Variants in IDO2 observed in about 807,000 individuals in gnomAD.
The protein encoded by IDO2 is indoleamine 2,3-dioxygenase-like 1 protein.
In IDO2, 46 loss-of-function variants were observed where a neutral mutation model predicts 45.1. The observed-to-expected ratio is 1.02, with a 90% CI of 0.80 to 1.30. The LOEUF (loss-of-function observed/expected upper bound fraction) is 1.30, where lower values mean the gene tolerates loss of function less well. Among genes scored for constraint, IDO2 ranks in the 50% most tolerant of loss-of-function variants. The pLI is 0.00. For synonymous variants in IDO2, 218 were observed against 184.9 expected (o/e 1.18, Z -1.45); for missense variants, 544 against 491.8 (o/e 1.11, Z -1.00).
intron 8 of IDO2, among the ~76,000 whole-genome samples, chr8:40,000,100 A>G (rs544678586): frequency 2.0e-5 from 3 of 152,320 alleles, no homozygotes; most frequent in African/African-American, 7.2e-5. Context: ...AACATCCAGT[A>G]TACTTTCACT....
chr8:39,964,855 T>C (rs571441736), intron 3 of IDO2, among the ~76,000 whole-genome samples: 2 of 152,368 alleles, frequency 1.3e-5, no homozygotes, highest in African/African-American at 4.8e-5. Flanking sequence ...AAGCAAATCA[T>C]GTATAAAATC....
chr8:39,982,598 C>A, intron 4 of IDO2, 54 bp from the exon 5 acceptor site: 1 of 1,197,424 alleles, frequency 8.4e-7, no homozygotes, highest in Non-Finnish European at 1.2e-6. Context: ...ATGGTTATTT[C>A]CTCTGCTGCA....
At chr8:40,000,051 C>A (rs2543079) in intron 8 of IDO2, among the ~76,000 whole-genome samples, 1 of 152,098 alleles carries the variant, frequency 6.6e-6, no homozygotes, top group Non-Finnish European at 1.5e-5. Context: ...TAATCAAAGA[C>A]AATTTTTTAA....
chr8:40,004,316 C>G (rs2129595293), intron 8 of IDO2, among the ~76,000 whole-genome samples: 1 of 152,120 alleles, frequency 6.6e-6, no homozygotes, highest in African/African-American at 2.4e-5. Flanking sequence ...GAAATAGGAT[C>G]AAAGACTACG....
At chr8:39,951,009 C>T (rs1807806086) in intron 2 of IDO2, among the ~76,000 whole-genome samples, 1 of 112,084 alleles carries the variant, frequency 8.9e-6, no homozygotes, top group Non-Finnish European at 2.0e-5. Flanking sequence ...GCCTGGGCAA[C>T]AAGAGCGAAA....
At chr8:39,995,826 G>A (rs558201421) in intron 8 of IDO2, among the ~76,000 whole-genome samples, 272 of 152,178 alleles carry the variant, frequency 1.8e-3, no homozygotes, top group Non-Finnish European at 2.1e-3. Flanking sequence ...AAGAGTGTGA[G>A]CCTTCTGTTA....
At chr8:39,935,424 GGTTGTTGTT>G (rs72187471) in intron 1 of IDO2, among the ~76,000 whole-genome samples, 48,704 of 149,870 alleles carry the variant, frequency 0.32, 9,494 homozygotes, top group Admixed American at 0.45. Flanking sequence ...TTACTTTTCT[GGTTGTTGTT>G]GTTGTTGTTG....
chr8:40,007,334 C>T (rs971807611), intron 9 of IDO2, among the ~76,000 whole-genome samples: 1 of 151,912 alleles, frequency 6.6e-6, no homozygotes, highest in Non-Finnish European at 1.5e-5. Context: ...GTGTGTTTGA[C>T]GTGTGAAGCA....
chr8:39,950,170 A>T (rs1340716247), intron 2 of IDO2, among the ~76,000 whole-genome samples: 1 of 152,128 alleles, frequency 6.6e-6, no homozygotes, highest in Non-Finnish European at 1.5e-5. Context: ...CTTGACTTTT[A>T]GTTATTATTA....
At chr8:39,984,993 A>T in intron 5 of IDO2, 1 of 400,320 alleles carries the variant, frequency 2.5e-6, no homozygotes, top group Non-Finnish European at 4.8e-6. Flanking sequence ...GTGCAGTGGC[A>T]TGATCTCGGC....
rs759411567 is a variant in IDO2 at position 39,963,614 on chromosome 8, CT to C, written c.108del (p.Pro37GlnfsTer17). 1.2e-6 allele frequency: 2 copies of C among 1,601,120 alleles called. No individual in the cohort carries two copies. The highest frequency in any genetic ancestry group is 2.2e-5 in the East Asian group (1 of 44,774). ...GTTTCTATTTTAAATGCAGAAAGAA[CT>C]TCCAGATCATTATAGGCCTTGGATG... On this transcript the variant is annotated frameshift_variant, in exon 3 of 11. Transcript: ENST00000502986. LOFTEE classifies it high-confidence loss of function.
chr8:40,012,197 T>C (rs1472887756), intron 9 of IDO2, among the ~76,000 whole-genome samples: 1 of 150,816 alleles, frequency 6.6e-6, no homozygotes, highest in Non-Finnish European at 1.5e-5. Flanking sequence ...AAATAACTTT[T>C]AGAATTATAG....
At chr8:39,954,899 C>T (rs1048666834) in intron 2 of IDO2, among the ~76,000 whole-genome samples, 1 of 151,378 alleles carries the variant, frequency 6.6e-6, no homozygotes, top group Non-Finnish European at 1.5e-5. Flanking sequence ...TCAAGTGATC[C>T]GCGCACCTCG....
intron 2 of IDO2, among the ~76,000 whole-genome samples, chr8:39,959,684 A>G (rs1807963956): frequency 1.3e-5 from 2 of 152,106 alleles, no homozygotes; most frequent in Admixed American, 1.3e-4. Flanking sequence ...TTAGCCAGGC[A>G]TGGTGACATG....
At chr8:40,009,450 AAT>A (rs66974211) in intron 9 of IDO2, among the ~76,000 whole-genome samples, 8,782 of 146,392 alleles carry the variant, frequency 0.06, 286 homozygotes, top group Middle Eastern at 0.12. Context: ...AAAAAAAAAA[AAT>A]GATCTCATTT....
intron 1 of IDO2, among the ~76,000 whole-genome samples, chr8:39,940,761 A>T (rs1807630271): frequency 6.6e-6 from 1 of 151,878 alleles, no homozygotes; most frequent in East Asian, 1.9e-4. Flanking sequence ...ACCCTCTGGT[A>T]ACCACTGTTC....
At chr8:40,004,056 A>G (rs761173177) in intron 8 of IDO2, among the ~76,000 whole-genome samples, 7 of 152,222 alleles carry the variant, frequency 4.6e-5, no homozygotes, top group Non-Finnish European at 8.8e-5. Flanking sequence ...TGGGCAAAAT[A>G]TTAAAGTATC....
rs76104249 is a variant in IDO2, at chr8:39,964,297, C to A, written c.195+594C>A. Reference sequence around the variant, plus strand: ...TTGTACCAACCTAATAGCTATGTAACCCTGAAAAAGTTACTCAACTCTGTA... The same window carrying A: ...TTGTACCAACCTAATAGCTATGTAAACCTGAAAAAGTTACTCAACTCTGTA... On this transcript the variant is annotated intron_variant, in intron 3 of 10. Transcript: ENST00000502986. Among the ~76,000 whole-genome samples, 631 of 152,286 alleles carry A rather than the reference C, an allele frequency of 4.1e-3. 6 individuals are homozygous for A. The highest frequency in any genetic ancestry group is 0.015 in the African/African-American group (604 of 41,546).
chr8:39,954,179 A>G (rs1215829795), intron 2 of IDO2, among the ~76,000 whole-genome samples: 1 of 152,208 alleles, frequency 6.6e-6, no homozygotes, highest in Non-Finnish European at 1.5e-5. Context: ...CCACTCCTAG[A>G]CATTATATTC....
Sources: allele counts gnomAD v4.1 joint callset (sites outside exome capture counted in the v4.1 genomes callset), GRCh38; gene constraint gnomAD v4.1.1; transcripts MANE v1.5; gene names NCBI Gene and HGNC (gene_info 2026-07-23, HGNC 2026-07-21).